The following SNX8 variants were observed in gnomAD, a reference collection of about 807,000 sequenced individuals.
SNX8 encodes the protein sorting nexin 8, also known as sorting nexin-8.
A neutral mutation model predicts 51.6 loss-of-function variants in SNX8; 25 were observed. The ratio of observed to expected loss-of-function variants is 0.48; its 90% CI spans 0.35 to 0.68. The LOEUF (loss-of-function observed/expected upper bound fraction) is 0.68. Among genes scored for constraint, SNX8 ranks in the 30% least tolerant of loss-of-function variants. The pLI is 0.00. For missense variants in SNX8, 695 were observed against 624.0 expected (o/e 1.11, Z -1.21); for synonymous variants, 324 against 277.0 (o/e 1.17, Z -1.68).
chr7:2,321,532 T>C, intron 1 of SNX8, among the ~76,000 whole-genome samples: 1 of 149,828 alleles, frequency 6.7e-6, no homozygotes, highest in East Asian at 2.0e-4. Context: ...GTTCATGCCA[T>C]TCTCCTGCCT....
At chr7:2,318,499 C>A (rs1242021834), upstream of SNX8, among the ~76,000 whole-genome samples, 1 of 138,822 alleles carries the variant, frequency 7.2e-6, no homozygotes, top group African/African-American at 2.7e-5. Flanking sequence ...ACTCCAGCCT[C>A]GGCAAAAGAG....
At chr7:2,288,455 A>T (rs1166775504) in intron 1 of SNX8, 1 of 166,572 alleles carries the variant, frequency 6.0e-6, no homozygotes, top group East Asian at 1.9e-4. Flanking sequence ...TATTAAATTT[A>T]CAGTGAAAAT....
intron 1 of SNX8, among the ~76,000 whole-genome samples, chr7:2,280,974 G>C (rs1795893665): frequency 6.6e-6 from 1 of 151,972 alleles, no homozygotes; most frequent in Admixed American, 6.6e-5. Flanking sequence ...TGTATTTTTA[G>C]TAGAAACAGG....
chr7:2,269,640 C>G lies in SNX8; in HGVS notation c.541-1G>C. On this transcript the variant is annotated splice_acceptor_variant, in intron 4 of 10. Coordinates refer to ENST00000222990, the MANE Select transcript of SNX8 (RefSeq NM_013321.4). LOFTEE classifies it high-confidence loss of function. ...ACTCCTTTAACTTGTTCTGCACATC[C>G]TGCAAAAGGAAAACACACAGCTTCA... 1 of 1,593,606 alleles carries G rather than the reference C, an allele frequency of 6.3e-7. No homozygotes were observed. Among genetic ancestry groups the G allele is most frequent in the Non-Finnish European group, 8.5e-7 (1 of 1,169,874 alleles).
At chr7:2,316,002 A>G (rs1272744219), upstream of SNX8, among the ~76,000 whole-genome samples, 3 of 137,900 alleles carry the variant, frequency 2.2e-5, no homozygotes, top group African/African-American at 8.4e-5. Context: ...CACTCACTGC[A>G]TCCTGCATTC....
At chr7:2,350,418 C>CA in intron 1 of SNX8, among the ~76,000 whole-genome samples, 1 of 152,312 alleles carries the variant, frequency 6.6e-6, no homozygotes, top group East Asian at 1.9e-4. Context: ...AGAAATGCAA[C>CA]AAACCCATAA....
intron 1 of SNX8, among the ~76,000 whole-genome samples, chr7:2,352,944 A>C (rs984764374): frequency 5.3e-5 from 8 of 152,212 alleles, no homozygotes; most frequent in African/African-American, 9.7e-5. Flanking sequence ...GATGAGGAGT[A>C]GTCAAACCTG....
chr7:2,285,329 C>T (rs1368646795), intron 1 of SNX8, among the ~76,000 whole-genome samples: 2 of 152,042 alleles, frequency 1.3e-5, no homozygotes, highest in South Asian at 2.1e-4. Context: ...GCAGAGGTTG[C>T]GGTGAGCCAA....
chr7:2,330,882 T>C (rs1778720692), intron 1 of SNX8, among the ~76,000 whole-genome samples: 1 of 151,970 alleles, frequency 6.6e-6, no homozygotes, highest in South Asian at 2.1e-4. Context: ...ACCAATATAA[T>C]ATACACAGAA....
At chr7:2,330,837 G>T (rs573771561) in intron 1 of SNX8, among the ~76,000 whole-genome samples, 4 of 152,180 alleles carry the variant, frequency 2.6e-5, no homozygotes, top group African/African-American at 7.2e-5. Context: ...AAAAAGAAAA[G>T]AATGCATATG....
intron 1 of SNX8, among the ~76,000 whole-genome samples, chr7:2,352,822 C>G (rs968769694): frequency 6.6e-6 from 1 of 151,298 alleles, no homozygotes; most frequent in Non-Finnish European, 1.5e-5. Context: ...GGCGACAGAG[C>G]AACACTCCGT....
At chr7:2,301,457 A>G (rs1395278218) in intron 1 of SNX8, among the ~76,000 whole-genome samples, 1 of 152,254 alleles carries the variant, frequency 6.6e-6, no homozygotes, top group Non-Finnish European at 1.5e-5. Flanking sequence ...TTGAAGCAGC[A>G]GCACGCACAG....
At chr7:2,282,949 G>T (rs547091787) in intron 1 of SNX8, among the ~76,000 whole-genome samples, 1 of 151,870 alleles carries the variant, frequency 6.6e-6, no homozygotes, top group East Asian at 1.9e-4. Context: ...GTGAAACCCC[G>T]TCTCTACTAA....
chr7:2,311,873 C>T (rs1490886444), intron 1 of SNX8, among the ~76,000 whole-genome samples: 1 of 151,130 alleles, frequency 6.6e-6, no homozygotes, highest in Non-Finnish European at 1.5e-5. Flanking sequence ...GGAGGCAGAG[C>T]TTGCAGTGAG....
At position 2,264,584 on chromosome 7, in the gene SNX8, C is replaced by T. The variant is rs181106811; in HGVS notation, c.622-126G>A. The T allele has an allele frequency of 1.3e-5, 10 of 778,956 alleles. No homozygotes were observed. In the African/African-American group the frequency reaches 1.7e-4, roughly 13 times the overall value. 48.3% of individuals were successfully genotyped at this position (778,956 alleles called of 1,614,324 possible). A position where few individuals can be genotyped will look rare whatever the true frequency, so the allele number is the denominator to read the frequency against. On this transcript the variant is annotated intron_variant, in intron 5 of 10. Transcript: ENST00000222990. ...GCAGGTCCATGAGCCACCCCGGGAG[C>T]CCCACTCCTCCAGGCCTGCAGGGAT...
intron 5 of SNX8, among the ~76,000 whole-genome samples, chr7:2,264,992 G>A (rs12535694): frequency 1.3e-5 from 2 of 151,876 alleles, no homozygotes; most frequent in Non-Finnish European, 2.9e-5. Flanking sequence ...CTGAGATCGC[G>A]CAACCACACT....
Position 2,257,397 on chromosome 7 carries a change from A to T in SNX8, c.1102T>A (p.Ser368Thr), listed in dbSNP as rs747617156. ...ATGCGGGACTCCAGCTGCTCCACGG[A>T]CTCCGGCTCGCGGTTCTGCGCGGTG... The part of the protein sequence containing the change: ...SATAQNREPE[S>T]VEQLESRIVE... The change falls in exon 9 of 11, where the codon TCC becomes ACC. Residue 368 changes from serine to threonine, a missense_variant. Transcript: ENST00000222990. 3 of 1,609,926 alleles carry T rather than the reference A, an allele frequency of 1.9e-6. No homozygotes were observed. Among genetic ancestry groups the T allele is most frequent in the Non-Finnish European group, 2.5e-6 (3 of 1,179,552 alleles).
At chr7:2,322,800 TGTGGCCA>T (rs1317321852) in intron 1 of SNX8, among the ~76,000 whole-genome samples, 1 of 151,878 alleles carries the variant, frequency 6.6e-6, no homozygotes, top group African/African-American at 2.4e-5. Flanking sequence ...GTGGATCACC[TGTGGCCA>T]GGAGTTCAAG....
intron 1 of SNX8, among the ~76,000 whole-genome samples, chr7:2,331,147 C>T (rs1026116688): frequency 1.5e-5 from 2 of 135,124 alleles, no homozygotes; most frequent in Admixed American, 8.6e-5. Flanking sequence ...GATTGCACTA[C>T]TGCACTCCAG....
Sources: gnomAD v4.1 joint callset for allele counts (sites outside exome capture counted in the v4.1 genomes callset) on GRCh38, gnomAD v4.1.1 for gene constraint, MANE v1.5 for transcripts, NCBI Gene and HGNC (gene_info 2026-07-23, HGNC 2026-07-21) for gene names.